Variants in ZNF385D observed in about 807,000 individuals in gnomAD.
ZNF385D encodes zinc finger protein 385D.
In ZNF385D, 15 loss-of-function variants were observed where a neutral mutation model predicts 35.8. That is an observed-to-expected ratio of 0.42 (90% confidence interval 0.28 to 0.64). ZNF385D has a LOEUF of 0.64. Among genes scored for constraint, ZNF385D ranks in the 30% least tolerant of loss-of-function variants. The pLI is 0.23. For synonymous variants in ZNF385D, 212 were observed against 186.8 expected (o/e 1.13, Z -1.10); for missense variants, 474 against 494.6 (o/e 0.96, Z 0.39).
chr3:21,639,748 TTG>T (rs1197671803), intron 2 of ZNF385D, among the ~76,000 whole-genome samples: 9 of 151,996 alleles, frequency 5.9e-5, no homozygotes, highest in African/African-American at 1.9e-4. Context: ...TAAAAACCAA[TTG>T]TGTTATAAAC....
intron 3 of ZNF385D, among the ~76,000 whole-genome samples, chr3:21,999,840 C>G (rs1317112347): frequency 1.3e-5 from 2 of 151,360 alleles, no homozygotes; most frequent in Non-Finnish European, 2.9e-5. Flanking sequence ...ATATGGGACA[C>G]CATAAAATGA....
chr3:22,323,291 G>A (rs1389245453), intron 2 of ZNF385D, among the ~76,000 whole-genome samples: 7 of 152,060 alleles, frequency 4.6e-5, no homozygotes, highest in Non-Finnish European at 8.8e-5. Flanking sequence ...CCTGTTGCTG[G>A]TATATAGGGA....
At chr3:22,222,852 C>G (rs1371732125) in intron 2 of ZNF385D, among the ~76,000 whole-genome samples, 1 of 152,110 alleles carries the variant, frequency 6.6e-6, no homozygotes, top group Non-Finnish European at 1.5e-5. Flanking sequence ...AACCACGAGT[C>G]TTTTTTAAAT....
intron 3 of ZNF385D, among the ~76,000 whole-genome samples, chr3:21,988,535 T>C (rs1694950694): frequency 6.9e-6 from 1 of 145,902 alleles, no homozygotes; most frequent in Non-Finnish European, 1.5e-5. Context: ...TTCTCAGATC[T>C]CCAGCTGCAT....
At chr3:22,002,564 TCTAA>T (rs1695923155) in intron 3 of ZNF385D, among the ~76,000 whole-genome samples, 1 of 152,120 alleles carries the variant, frequency 6.6e-6, no homozygotes. Context: ...GGGAATTCTT[TCTAA>T]CTCATTTTAT....
intron 4 of ZNF385D, among the ~76,000 whole-genome samples, chr3:21,456,286 T>C (rs974623518): frequency 3.3e-5 from 5 of 152,158 alleles, no homozygotes; most frequent in Admixed American, 6.6e-5. Flanking sequence ...CACACGCACA[T>C]GTATGTTTAT....
chr3:22,285,164 C>CA (rs1701961013), intron 2 of ZNF385D, among the ~76,000 whole-genome samples: 1 of 152,108 alleles, frequency 6.6e-6, no homozygotes, highest in Non-Finnish European at 1.5e-5. Context: ...TGTTACAAAG[C>CA]AAAATTAGTA....
chr3:21,859,467 A>G (rs1696919488), intron 3 of ZNF385D, among the ~76,000 whole-genome samples: 1 of 151,722 alleles, frequency 6.6e-6, no homozygotes, highest in Non-Finnish European at 1.5e-5. Flanking sequence ...TTTCATGGTC[A>G]TGTAGATGAA....
chr3:21,653,985 T>A lies in ZNF385D; in HGVS notation c.165+10901A>T, dbSNP rs559115251. ...ATATGTACAGATGTTCTAAAGAACA[T>A]AAAGATGTTTTGATAAAACTGATTA... On this transcript the variant is annotated intron_variant, in intron 2 of 7. Transcript: ENST00000281523. 2.6e-5 allele frequency among the ~76,000 whole-genome samples: 4 copies of A among 152,122 alleles called. No homozygotes were observed. The South Asian group carries it at 8.3e-4, about 32-fold the overall frequency.
At chr3:21,879,184 G>C (rs915793479) in intron 3 of ZNF385D, among the ~76,000 whole-genome samples, 3 of 151,880 alleles carry the variant, frequency 2.0e-5, no homozygotes, top group Non-Finnish European at 4.4e-5. Context: ...TAAAAATCAT[G>C]AATGGAAAAA....
intron 3 of ZNF385D, among the ~76,000 whole-genome samples, chr3:22,129,144 G>A (rs1559391129): frequency 6.6e-6 from 1 of 152,094 alleles, no homozygotes; most frequent in South Asian, 2.1e-4. Flanking sequence ...GGATTACATG[G>A]GAGAGTCTCT....
At chr3:22,207,428 C>G (rs150835311) in intron 2 of ZNF385D, among the ~76,000 whole-genome samples, 9 of 151,876 alleles carry the variant, frequency 5.9e-5, no homozygotes, top group Non-Finnish European at 1.3e-4. Flanking sequence ...CTGCCCTACA[C>G]AAAAATCAAA....
intron 3 of ZNF385D, among the ~76,000 whole-genome samples, chr3:21,816,915 A>G (rs9856333): frequency 0.56 from 84,772 of 152,008 alleles, 25,447 homozygotes; most frequent in East Asian, 0.83. Flanking sequence ...GAGGCATCAC[A>G]CTACCTGACT....
intron 3 of ZNF385D, among the ~76,000 whole-genome samples, chr3:22,124,728 G>A (rs1161061783): frequency 1.3e-5 from 2 of 152,016 alleles, no homozygotes; most frequent in Non-Finnish European, 2.9e-5. Flanking sequence ...TTTGCGAATT[G>A]TCTATTCAGA....
chr3:21,714,292 C>T (rs935036983), intron 1 of ZNF385D, among the ~76,000 whole-genome samples: 1 of 152,178 alleles, frequency 6.6e-6, no homozygotes, highest in African/African-American at 2.4e-5. Flanking sequence ...TTCCTGCTTC[C>T]CTAGACTAAG....
chr3:21,655,941 T>C (rs1485271951), intron 2 of ZNF385D, among the ~76,000 whole-genome samples: 1 of 152,060 alleles, frequency 6.6e-6, no homozygotes, highest in Admixed American at 6.6e-5. Context: ...ATGTTTTCCC[T>C]ACAGTCTTTG....
intron 2 of ZNF385D, among the ~76,000 whole-genome samples, chr3:22,226,495 T>A (rs758814343): frequency 2.6e-5 from 4 of 152,208 alleles, no homozygotes; most frequent in Non-Finnish European, 2.9e-5. Context: ...TTTGTTCTCC[T>A]ATCTATAGGT....
chr3:22,007,083 A>G (rs1696255903), intron 3 of ZNF385D, among the ~76,000 whole-genome samples: 1 of 150,606 alleles, frequency 6.6e-6, no homozygotes, highest in Non-Finnish European at 1.5e-5. Flanking sequence ...GAAAAGGCAA[A>G]CTGTTCATAT....
At chr3:21,488,340 C>A (rs1406183894) in intron 4 of ZNF385D, among the ~76,000 whole-genome samples, 1 of 70,032 alleles carries the variant, frequency 1.4e-5, no homozygotes, top group Non-Finnish European at 2.7e-5. Context: ...TACACACAGA[C>A]ACACAGACAC....
Sources: allele counts gnomAD v4.1 joint callset (sites outside exome capture counted in the v4.1 genomes callset), GRCh38; gene constraint gnomAD v4.1.1; transcripts MANE v1.5; gene names NCBI Gene and HGNC (gene_info 2026-07-23, HGNC 2026-07-21).